CSMD1: variants seen among roughly 807,000 people sequenced by gnomAD.
CSMD1 encodes the protein CUB and sushi domain-containing protein 1.
Under a neutral mutation model 417.5 loss-of-function variants are expected in CSMD1, and 213 were observed. The observed-to-expected ratio is 0.51, with a 90% CI of 0.46 to 0.57. The LOEUF (loss-of-function observed/expected upper bound fraction) is 0.57. CSMD1 is among the 20% of genes least tolerant of loss of function. The pLI is 0.00. For synonymous variants in CSMD1, 2,862 were observed against 1,736.8 expected (o/e 1.65, Z -16.11); for missense variants, 6,923 against 4,529.7 (o/e 1.53, Z -15.17).
chr8:3,946,243 G>C (rs1047286461), intron 5 of CSMD1, among the ~76,000 whole-genome samples: 2 of 152,122 alleles, frequency 1.3e-5, no homozygotes, highest in Non-Finnish European at 2.9e-5. Context: ...TATGCATCTT[G>C]ATATTGTAAT....
At chr8:4,992,442 A>G (rs1811521114) in intron 1 of CSMD1, among the ~76,000 whole-genome samples, 2 of 152,124 alleles carry the variant, frequency 1.3e-5, no homozygotes, top group South Asian at 4.2e-4. Flanking sequence ...CCTGCCTGGA[A>G]AGGAGGAAGC....
At chr8:4,704,557 A>G (rs1025862848) in intron 1 of CSMD1, among the ~76,000 whole-genome samples, 1 of 152,178 alleles carries the variant, frequency 6.6e-6, no homozygotes, top group Non-Finnish European at 1.5e-5. Context: ...ACTGCTTTTG[A>G]TTACAGAACA....
Position 4,282,683 on chromosome 8 carries a change from G to C in CSMD1, c.415+137270C>G, listed in dbSNP as rs577581476. 2.0e-5 allele frequency among the ~76,000 whole-genome samples: 3 copies of C among 152,226 alleles called. No homozygotes were observed. In the East Asian group the frequency reaches 5.8e-4, roughly 29 times the overall value. On this transcript the variant is annotated intron_variant, in intron 3 of 69. Coordinates refer to ENST00000635120, the MANE Select transcript of CSMD1 (RefSeq NM_033225.6). ...TTGAATACCAGTTAGGAACTGAGTT[G>C]GCTGTGACAGCATCCTAACAACTCA... is the stretch of plus-strand genomic sequence containing the variant.
At chr8:3,599,284 C>T (rs574196441) in intron 8 of CSMD1, among the ~76,000 whole-genome samples, 5 of 151,986 alleles carry the variant, frequency 3.3e-5, no homozygotes, top group Admixed American at 2.0e-4. Flanking sequence ...CATGTGGCTA[C>T]GTGTGTATGT....
chr8:3,961,740 T>A (rs1298427887), intron 5 of CSMD1, among the ~76,000 whole-genome samples: 1 of 152,224 alleles, frequency 6.6e-6, no homozygotes, highest in African/African-American at 2.4e-5. Flanking sequence ...GCGTATGTAG[T>A]AAAGCCCGGT....
At chr8:3,506,275 G>A (rs1409832243) in intron 10 of CSMD1, among the ~76,000 whole-genome samples, 1 of 152,208 alleles carries the variant, frequency 6.6e-6, no homozygotes, top group African/African-American at 2.4e-5. Context: ...ATCTGTCACA[G>A]ACACTACTTA....
At position 3,182,700 on chromosome 8, in the gene CSMD1, TGTGTATTGTTAG is replaced by T. The variant is rs1255797075; in HGVS notation, c.5621-1498_5621-1487del. On this transcript the variant is annotated intron_variant, in intron 36 of 69. Transcript: ENST00000635120. ...CTGTGTGTGTGTGTGTGTGTATGTG[TGTGTATTGTTAG>T]TAGAGAAGGACTCTGGCTGTCTCTT... 2.2e-3 allele frequency among the ~76,000 whole-genome samples: 290 copies of T among 130,274 alleles called. 8 individuals are homozygous for T. Among genetic ancestry groups the T allele is most frequent in the African/African-American group, 7.3e-3 (267 of 36,336 alleles). 85.5% of individuals were successfully genotyped at this position (130,274 alleles called of 152,430 possible).
rs1792976238 is a variant in CSMD1 at position 4,827,715 on chromosome 8, T to C, written c.85+166617A>G. 2.6e-5 allele frequency among the ~76,000 whole-genome samples: 4 copies of C among 152,252 alleles called. No homozygotes were observed. The South Asian group carries it at 8.3e-4, about 32-fold the overall frequency. On this transcript the variant is annotated intron_variant, in intron 1 of 69. Transcript: ENST00000635120. Reference sequence around the variant, plus strand: ...TGAGTAGGTTTTAATTATCTGTAGATCTAAAAAGAATGTGTTTTACTCCAC... The same window carrying C: ...TGAGTAGGTTTTAATTATCTGTAGACCTAAAAAGAATGTGTTTTACTCCAC...
At chr8:3,397,843 G>A (rs1035167469) in intron 16 of CSMD1, among the ~76,000 whole-genome samples, 1 of 152,104 alleles carries the variant, frequency 6.6e-6, no homozygotes, top group African/African-American at 2.4e-5. Flanking sequence ...ACACCGCCTG[G>A]CAATACCATC....
chr8:4,385,018 C>G (rs1396131068), intron 3 of CSMD1, among the ~76,000 whole-genome samples: 1 of 152,124 alleles, frequency 6.6e-6, no homozygotes, highest in Non-Finnish European at 1.5e-5. Context: ...CCTCCGTCCC[C>G]CTGGTTCAAG....
chr8:4,570,248 C>T (rs1798818812), intron 2 of CSMD1, among the ~76,000 whole-genome samples: 1 of 152,146 alleles, frequency 6.6e-6, no homozygotes, highest in African/African-American at 2.4e-5. Flanking sequence ...CAGCTTTTGA[C>T]CATTCTGTAT....
chr8:3,538,876 T>G (rs1290633182), intron 10 of CSMD1, among the ~76,000 whole-genome samples: 1 of 152,158 alleles, frequency 6.6e-6, no homozygotes, highest in African/African-American at 2.4e-5. Context: ...CTAGTTGTTC[T>G]CTGCTCCCAC....
At chr8:4,463,503 C>G (rs1048859209) in intron 2 of CSMD1, among the ~76,000 whole-genome samples, 1 of 152,016 alleles carries the variant, frequency 6.6e-6, no homozygotes, top group Non-Finnish European at 1.5e-5. Flanking sequence ...AAAGTGGAAA[C>G]AATACAAATG....
intron 3 of CSMD1, among the ~76,000 whole-genome samples, chr8:4,048,196 T>C (rs898868874): frequency 3.9e-5 from 6 of 152,298 alleles, no homozygotes; most frequent in African/African-American, 1.4e-4. Flanking sequence ...TGTATGGATG[T>C]TTTCATATTG....
intron 3 of CSMD1, among the ~76,000 whole-genome samples, chr8:4,349,643 T>A (rs770874255): frequency 9.9e-5 from 15 of 152,160 alleles, no homozygotes; most frequent in Non-Finnish European, 1.0e-4. Flanking sequence ...ATTGCATACC[T>A]TCATAATATT....
chr8:3,104,363 G>A (rs755976642), intron 46 of CSMD1, among the ~76,000 whole-genome samples: 9 of 152,154 alleles, frequency 5.9e-5, no homozygotes, highest in Non-Finnish European at 1.0e-4. Flanking sequence ...TGCACCCAAT[G>A]CAATCCCCAC....
intron 3 of CSMD1, among the ~76,000 whole-genome samples, chr8:4,294,224 G>C (rs1188507900): frequency 6.6e-6 from 1 of 152,164 alleles, no homozygotes; most frequent in African/African-American, 2.4e-5. Flanking sequence ...GGGAGAAACT[G>C]AACATCTCTG....
At chr8:3,531,385 A>G (rs1345023908) in intron 10 of CSMD1, among the ~76,000 whole-genome samples, 2 of 152,164 alleles carry the variant, frequency 1.3e-5, no homozygotes, top group Non-Finnish European at 2.9e-5. Context: ...TGTTTTCATT[A>G]TAGAATCTGG....
chr8:3,834,142 T>C, intron 5 of CSMD1, among the ~76,000 whole-genome samples: 1 of 152,212 alleles, frequency 6.6e-6, no homozygotes, highest in East Asian at 1.9e-4. Flanking sequence ...TCAATTTTAC[T>C]ATTGCTTTAT....
Sources: allele counts gnomAD v4.1 joint callset (sites outside exome capture counted in the v4.1 genomes callset), GRCh38; gene constraint gnomAD v4.1.1; transcripts MANE v1.5; gene names NCBI Gene and HGNC (gene_info 2026-07-23, HGNC 2026-07-21).